The following TESPA1 variants were observed in gnomAD, a reference collection of about 807,000 sequenced individuals.
TESPA1 encodes protein TESPA1.
In TESPA1, 33 loss-of-function variants were observed where a neutral mutation model predicts 57.9. That is an observed-to-expected ratio of 0.57 (90% CI 0.43 to 0.76). The LOEUF (loss-of-function observed/expected upper bound fraction) is 0.76, where lower values mean the gene tolerates loss of function less well. Ranked by LOEUF, TESPA1 falls within the 30% of genes least tolerant of loss-of-function variation. The pLI is 0.00. For synonymous variants in TESPA1, 227 were observed against 228.9 expected (o/e 0.99, Z 0.07); for missense variants, 618 against 632.9 (o/e 0.98, Z 0.25).
chr12:54,955,393 C>T (rs1295532241), intron 10 of TESPA1, among the ~76,000 whole-genome samples: 2 of 152,198 alleles, frequency 1.3e-5, no homozygotes, highest in Non-Finnish European at 2.9e-5. Flanking sequence ...TCTCAATGGG[C>T]AGGTGGGCAT....
chr12:54,979,218 T>C (rs1030046108), intron 1 of TESPA1, among the ~76,000 whole-genome samples: 9 of 151,594 alleles, frequency 5.9e-5, no homozygotes, highest in African/African-American at 2.2e-4. Flanking sequence ...AAAAAAAATA[T>C]TTTCCAGAGT....
At chr12:54,955,589 T>C (rs750150715) in intron 10 of TESPA1, among the ~76,000 whole-genome samples, 8 of 152,232 alleles carry the variant, frequency 5.3e-5, no homozygotes, top group Non-Finnish European at 1.2e-4. Flanking sequence ...GGACAAAGTA[T>C]TGTTTATTTG....
At chr12:54,969,586 T>A (rs948745687) in intron 3 of TESPA1, among the ~76,000 whole-genome samples, 2 of 152,156 alleles carry the variant, frequency 1.3e-5, no homozygotes, top group Non-Finnish European at 2.9e-5. Context: ...CTATTTATTA[T>A]AAAATTAAAC....
At chr12:54,967,345 T>G in intron 4 of TESPA1, 109 bp from the exon 5 acceptor site, 1 of 1,233,602 alleles carries the variant, frequency 8.1e-7, no homozygotes, top group Non-Finnish European at 1.2e-6. Flanking sequence ...AGACTAGACT[T>G]GCACAACCAG....
At chr12:54,955,668 A>C (rs1950686311) in intron 10 of TESPA1, among the ~76,000 whole-genome samples, 1 of 152,190 alleles carries the variant, frequency 6.6e-6, no homozygotes. Flanking sequence ...CTGTGTTTGC[A>C]ATCTGTTTAG....
At position 54,962,692 on chromosome 12, in the gene TESPA1, C is replaced by G; in HGVS notation, c.1206G>C (p.Trp402Cys). The G allele has an allele frequency of 6.2e-7, 1 of 1,613,892 alleles. No individual in the cohort carries two copies. Among genetic ancestry groups the G allele is most frequent in the Non-Finnish European group, 8.5e-7 (1 of 1,179,868 alleles). Residue 402 changes from tryptophan to cysteine, a missense_variant, in exon 9 of 11, where the codon TGG becomes TGC. By Grantham distance (215) the Trp-to-Cys change is radical. Transcript: ENST00000449076. ...THSLPIEDPQWSTDPAQIRRE... is the reference protein window; with the variant it reads ...THSLPIEDPQCSTDPAQIRRE... ...TCCTTATCTGAGCTGGGTCTGTGCTCCACTGTGGATCTTCTATGGGCAGAG... is the reference window on the plus strand; with the variant it reads ...TCCTTATCTGAGCTGGGTCTGTGCTGCACTGTGGATCTTCTATGGGCAGAG...
intron 3 of TESPA1, among the ~76,000 whole-genome samples, chr12:54,969,823 C>T (rs574534553): frequency 1.3e-5 from 2 of 152,280 alleles, no homozygotes; most frequent in Admixed American, 6.5e-5. Flanking sequence ...GGATAGTGAA[C>T]GAAACGGACG....
At chr12:54,965,399 T>C (rs1249091876) in intron 7 of TESPA1, among the ~76,000 whole-genome samples, 4 of 152,188 alleles carry the variant, frequency 2.6e-5, no homozygotes, top group African/African-American at 4.8e-5. Flanking sequence ...CCTGTGTCCA[T>C]GTGTTCTCAT....
rs1950242475 is a variant in TESPA1, at chr12:54,949,238, G to T, written c.*1154C>A. 1 of 152,270 alleles carries T rather than the reference G, an allele frequency of 6.6e-6. No individual in the cohort carries two copies. Among genetic ancestry groups the T allele is most frequent in the South Asian group, 2.1e-4 (1 of 4,824 alleles). 9.4% of individuals were successfully genotyped at this position (152,270 alleles called of 1,614,324 possible). On this transcript the variant is annotated 3_prime_UTR_variant, in exon 11 of 11. Transcript: ENST00000449076. ...TTTGTCTCTGCCTCACTACGTATCA[G>T]ACTCAGTTTGTGCCTTCTCCCCTAA...
chr12:54,953,469 C>T (rs1365297900), intron 10 of TESPA1, among the ~76,000 whole-genome samples: 2 of 151,756 alleles, frequency 1.3e-5, no homozygotes, highest in African/African-American at 4.8e-5. Context: ...TCTCCCTGTT[C>T]AATGTTGGAC....
intron 10 of TESPA1, among the ~76,000 whole-genome samples, chr12:54,954,908 A>G (rs11171192): frequency 0.21 from 31,254 of 152,172 alleles, 5,463 homozygotes; most frequent in East Asian, 0.84. Context: ...GAGTGCTAAT[A>G]TCTCTTCAAG....
chr12:54,973,523 GA>G lies in TESPA1; in HGVS notation c.164-5del. ...TCAATTTTATTGATTGGATTCCCTA[GA>G]AAAGTCAGACACTAGATCACTGTGA... On this transcript the variant is annotated splice_region_variant and splice_polypyrimidine_tract_variant and intron_variant, in intron 2 of 10. Transcript: ENST00000449076. The G allele has an allele frequency of 6.2e-7, 1 of 1,613,922 alleles. No homozygotes were observed. Among genetic ancestry groups the G allele is most frequent in the East Asian group, 2.2e-5 (1 of 44,886 alleles).
intron 7 of TESPA1, 79 bp downstream of exon 7, chr12:54,965,974 C>G: frequency 7.4e-7 from 1 of 1,352,192 alleles, no homozygotes; most frequent in Non-Finnish European, 1.0e-6. Flanking sequence ...CCAGAAAAAA[C>G]AGGCAATGGC....
At chr12:54,971,938 T>A (rs1208916882) in intron 3 of TESPA1, among the ~76,000 whole-genome samples, 1 of 152,148 alleles carries the variant, frequency 6.6e-6, no homozygotes, top group Admixed American at 6.5e-5. Flanking sequence ...TCCTCCTTTA[T>A]AAAACTCACC....
chr12:54,963,240 TG>T lies in TESPA1; in HGVS notation c.657del (p.Ser219ArgfsTer101). 6.2e-7 allele frequency: 1 copy of T among 1,609,384 alleles called. No individual in the cohort carries two copies. The highest frequency in any genetic ancestry group is 1.3e-5 in the African/African-American group (1 of 74,996). ...EMEDPCLMLA[S>X]RFKQVQTLAV... ...GCCAGTGTTTGCACCTGCTTAAACC[TG>T]CCTGGGTACAAGAGTTAAAGATGGT... On this transcript the variant is annotated frameshift_variant and splice_region_variant, in exon 9 of 11. Transcript: ENST00000449076. LOFTEE classifies it high-confidence loss of function.
At chr12:54,979,717 C>G (rs1432432972) in intron 1 of TESPA1, among the ~76,000 whole-genome samples, 1 of 152,172 alleles carries the variant, frequency 6.6e-6, no homozygotes, top group African/African-American at 2.4e-5. Flanking sequence ...TATCTTCCAA[C>G]AAAAATTATT....
chr12:54,971,169 A>T (rs10747732), intron 3 of TESPA1, among the ~76,000 whole-genome samples: 55,460 of 152,144 alleles, frequency 0.36, 13,003 homozygotes, highest in East Asian at 0.92. Flanking sequence ...AGAGGATGTT[A>T]GGCTTTGGAA....
intron 8 of TESPA1, 38 bp from the exon 9 acceptor site, chr12:54,963,280 A>G: frequency 6.4e-7 from 1 of 1,553,770 alleles, no homozygotes; most frequent in Non-Finnish European, 8.7e-7. Context: ...TCTGGGGTTC[A>G]TCAGCAAATC....
intron 3 of TESPA1, among the ~76,000 whole-genome samples, chr12:54,971,901 T>C (rs1951855461): frequency 6.6e-6 from 1 of 152,184 alleles, no homozygotes; most frequent in Non-Finnish European, 1.5e-5. Flanking sequence ...AGACAGACAT[T>C]TTGTGGAATT....
Sources: allele counts gnomAD v4.1 joint callset (sites outside exome capture counted in the v4.1 genomes callset), GRCh38; gene constraint gnomAD v4.1.1; transcripts MANE v1.5; gene names NCBI Gene and HGNC (gene_info 2026-07-23, HGNC 2026-07-21).